The following MFSD11 variants were observed in gnomAD, a reference collection of about 807,000 sequenced individuals.
MFSD11 encodes major facilitator superfamily domain containing 11, also known as UNC93-like protein MFSD11.
A neutral mutation model predicts 53.5 loss-of-function variants in MFSD11; 36 were observed. The ratio of observed to expected loss-of-function variants is 0.67; its 90% CI spans 0.52 to 0.89. MFSD11 has a LOEUF of 0.89. Ranked by LOEUF, MFSD11 falls within the 40% of genes least tolerant of loss-of-function variation. The pLI is 0.00. For missense variants in MFSD11, 530 were observed against 543.9 expected (o/e 0.97, Z 0.25); for synonymous variants, 186 against 184.9 (o/e 1.01, Z -0.05).
chr17:76,739,152 A>G (rs2077798908), intron 2 of MFSD11, among the ~76,000 whole-genome samples, 159 bp downstream of exon 2: 1 of 152,212 alleles, frequency 6.6e-6, no homozygotes, highest in South Asian at 2.1e-4. Context: ...AAAGCTGATG[A>G]GTTTAGGTTT....
intron 7 of MFSD11, among the ~76,000 whole-genome samples, chr17:76,749,114 C>T (rs1026277427): frequency 6.6e-6 from 1 of 152,166 alleles, no homozygotes. Flanking sequence ...AAAGTATACA[C>T]TTCAGTGCTT....
At chr17:76,737,374 C>A (rs2077571282), upstream of MFSD11, 2 of 527,792 alleles carry the variant, frequency 3.8e-6, no homozygotes, top group Non-Finnish European at 6.3e-6. Context: ...TCGCTCCTCA[C>A]AAAATGGCGC....
intron 9 of MFSD11, among the ~76,000 whole-genome samples, chr17:76,767,899 C>T (rs760971500): frequency 6.6e-6 from 1 of 152,198 alleles, no homozygotes; most frequent in African/African-American, 2.4e-5. Flanking sequence ...AAGGATTCCA[C>T]ACAAGGTTCA....
chr17:76,756,643 T>C (rs944316355), intron 8 of MFSD11, among the ~76,000 whole-genome samples: 3 of 151,944 alleles, frequency 2.0e-5, no homozygotes, highest in Admixed American at 6.6e-5. Context: ...GGAGGATCAC[T>C]TGAGGTCCGG....
chr17:76,762,273 A>G (rs1184527668), intron 8 of MFSD11, among the ~76,000 whole-genome samples: 1 of 152,200 alleles, frequency 6.6e-6, no homozygotes, highest in East Asian at 1.9e-4. Context: ...TTCATGTCAC[A>G]ATATATTATA....
chr17:76,800,954 G>A, the MFSD11 span, among the ~76,000 whole-genome samples: 3 of 151,986 alleles, frequency 2.0e-5, no homozygotes, highest in Non-Finnish European at 4.4e-5. Context: ...GCACGTGCCT[G>A]TGATCCCAGC....
At chr17:76,775,738 G>A (rs1231209570) in intron 11 of MFSD11, among the ~76,000 whole-genome samples, 1 of 152,184 alleles carries the variant, frequency 6.6e-6, no homozygotes, top group Non-Finnish European at 1.5e-5. Flanking sequence ...AAAGGGAAGT[G>A]TTATTAGAAC....
At chr17:76,780,440 G>A (rs2082131623), downstream of MFSD11, among the ~76,000 whole-genome samples, 1 of 151,680 alleles carries the variant, frequency 6.6e-6, no homozygotes, top group Non-Finnish European at 1.5e-5. Context: ...AAAGTGCTGG[G>A]GGGATTACAA....
intron 1 of MFSD11, 56 bp from the exon 2 acceptor site, chr17:76,738,882 A>C: frequency 7.2e-7 from 1 of 1,388,174 alleles, no homozygotes; most frequent in South Asian, 1.2e-5. Context: ...ACACTTCCCA[A>C]GGGTGGGAGG....
chr17:76,801,901 G>A, the MFSD11 span, among the ~76,000 whole-genome samples: 3,672 of 152,100 alleles, frequency 0.024, 144 homozygotes, highest in African/African-American at 0.083. Context: ...CTGACCTCCT[G>A]GGAATGCAGC....
At chr17:76,764,702 C>CACATAT (rs1188802057) in intron 8 of MFSD11, among the ~76,000 whole-genome samples, 1 of 152,188 alleles carries the variant, frequency 6.6e-6, no homozygotes, top group African/African-American at 2.4e-5. Context: ...CACACACACA[C>CACATAT]ACATATACAT....
chr17:76,756,122 ATTTT>A (rs112392636), intron 8 of MFSD11, among the ~76,000 whole-genome samples: 1 of 103,756 alleles, frequency 9.6e-6, no homozygotes, highest in Non-Finnish European at 2.1e-5. Context: ...CTGCACCCAG[ATTTT>A]TTTTTTTTTT....
intron 7 of MFSD11, among the ~76,000 whole-genome samples, chr17:76,753,618 G>T (rs1241146451): frequency 6.6e-6 from 1 of 151,094 alleles, no homozygotes; most frequent in Non-Finnish European, 1.5e-5. Context: ...AGCCTGCGAG[G>T]TGGGGGTTGC....
chr17:76,748,783 C>T (rs954463489), intron 7 of MFSD11, among the ~76,000 whole-genome samples: 7 of 151,998 alleles, frequency 4.6e-5, no homozygotes, highest in African/African-American at 1.4e-4. Flanking sequence ...TTGGCAGTTA[C>T]TTCTATCCTC....
At chr17:76,803,704 C>T in the MFSD11 span, among the ~76,000 whole-genome samples, 1 of 152,110 alleles carries the variant, frequency 6.6e-6, no homozygotes, top group African/African-American at 2.4e-5. Flanking sequence ...GACTCAATGG[C>T]CTTCCCTCCC....
In MFSD11 at chr17:76,742,331, A is replaced by T. The variant is rs1340894305; in HGVS notation, c.437+58A>T. On this transcript the variant is annotated intron_variant, in intron 5 of 12. Transcript: ENST00000685175. ...TTCTTTCTTTTTTTTCTGTCATACC[A>T]TTTTTTAGGTCTTTGGTTGACAATT... 3 of 1,413,980 alleles carry T rather than the reference A, an allele frequency of 2.1e-6. No individual in the cohort carries two copies. The Admixed American group carries it at 5.8e-5, about 27-fold the overall frequency. 87.6% of individuals were successfully genotyped at this position (1,413,980 alleles called of 1,614,324 possible).
chr17:76,736,783 C>T (rs1312005265), upstream of MFSD11: 2 of 1,514,788 alleles, frequency 1.3e-6, no homozygotes, highest in Non-Finnish European at 1.8e-6. Context: ...CCCGCGGTCC[C>T]CTCAGCCCCG....
At chr17:76,745,942 C>A (rs2078505746) in intron 7 of MFSD11, among the ~76,000 whole-genome samples, 1 of 152,144 alleles carries the variant, frequency 6.6e-6, no homozygotes. Context: ...GCTGGGATTA[C>A]AGGCATGCAC....
chr17:76,739,429 T>A (rs1425237722), intron 2 of MFSD11, among the ~76,000 whole-genome samples: 1 of 152,224 alleles, frequency 6.6e-6, no homozygotes, highest in Non-Finnish European at 1.5e-5. Context: ...TCAGGAGCTT[T>A]TAGATTTTTG....
Sources: gnomAD v4.1 joint callset for allele counts (sites outside exome capture counted in the v4.1 genomes callset) on GRCh38, gnomAD v4.1.1 for gene constraint, MANE v1.5 for transcripts, NCBI Gene and HGNC (gene_info 2026-07-23, HGNC 2026-07-21) for gene names.